Variants in NOX1 observed in about 807,000 individuals in gnomAD.
NOX1 encodes NADPH oxidase 1, also known as NADH/NADPH mitogenic oxidase subunit P65-MOX.
Under a neutral mutation model 42.5 loss-of-function variants are expected in NOX1, and 34 were observed. The ratio of observed to expected loss-of-function variants is 0.80; its 90% CI spans 0.61 to 1.07. The LOEUF is 1.07. NOX1 is among the 50% of genes least tolerant of loss of function. NOX1 has a pLI of 0.00. For missense variants in NOX1, 408 were observed against 427.0 expected (o/e 0.96, Z 0.39); for synonymous variants, 143 against 152.5 (o/e 0.94, Z 0.46).
intron 7 of NOX1, chrX:100,855,196 A>G (rs1446665778): frequency 4.1e-5 from 19 of 463,287 alleles, no homozygotes; most frequent in Non-Finnish European, 7.0e-5. Context: ...CCCTGCCACC[A>G]CTGTGTTTGG....
At chrX:100,866,608 GCAAA>G (rs2085239858) in intron 2 of NOX1, among the ~76,000 whole-genome samples, 1 of 109,907 alleles carries the variant, frequency 9.1e-6, no homozygotes, top group Non-Finnish European at 1.9e-5. Flanking sequence ...TGCGGTTTTT[GCAAA>G]CAGTTTTAAT....
chrX:100,870,742 A>G lies in NOX1; in HGVS notation c.118T>C (p.Tyr40His), dbSNP rs753546509. The change falls in exon 2 of 13, where the codon TAC becomes CAC. Residue 40 changes from tyrosine to histidine, a missense_variant. Transcript: ENST00000372966. ...FLKYEKADKYYYTRKILGSTL... is the reference protein window; with the variant it reads ...FLKYEKADKYHYTRKILGSTL... ...ACCCCAAGGATTTTTCTTGTGTAGT[A>G]GTATTTGTCGGCCTTCTCATATTTC... 1.9e-5 allele frequency: 22 copies of G among 1,182,105 alleles called. No individual in the cohort carries two copies. The highest frequency in any genetic ancestry group is 2.5e-5 in the Non-Finnish European group (22 of 871,004).
intron 1 of NOX1, among the ~76,000 whole-genome samples, chrX:100,872,088 C>G (rs1159226088): frequency 8.9e-6 from 1 of 111,950 alleles, no homozygotes; most frequent in Non-Finnish European, 1.9e-5. Flanking sequence ...AGTAAGAGAT[C>G]AATAAGTGCT....
At chrX:100,872,946 T>C (rs142446887) in intron 1 of NOX1, among the ~76,000 whole-genome samples, 2,455 of 105,596 alleles carry the variant, frequency 0.023, 78 homozygotes, top group African/African-American at 0.079. Flanking sequence ...AAATATGTCA[T>C]GGGATAACCT....
chrX:100,867,840 GAA>G (rs1401085940), intron 2 of NOX1, among the ~76,000 whole-genome samples: 5 of 107,409 alleles, frequency 4.7e-5, no homozygotes, highest in Non-Finnish European at 9.6e-5. Flanking sequence ...AGGAAGGAAA[GAA>G]AGAGAGAGAG....
chrX:100,869,433 G>T (rs1217644639), intron 2 of NOX1, among the ~76,000 whole-genome samples: 1 of 106,443 alleles, frequency 9.4e-6, no homozygotes, highest in Non-Finnish European at 1.9e-5. Context: ...ATTGTGAATG[G>T]GAGTTCACTC....
At chrX:100,857,871 G>T (rs1448196335) in intron 7 of NOX1, among the ~76,000 whole-genome samples, 1 of 111,419 alleles carries the variant, frequency 9.0e-6, no homozygotes, top group Non-Finnish European at 1.9e-5. Context: ...TAGGTTGTTT[G>T]TTTACTCTCT....
chrX:100,869,119 G>C (rs2085256914), intron 2 of NOX1, among the ~76,000 whole-genome samples: 1 of 111,142 alleles, frequency 9.0e-6, no homozygotes. Flanking sequence ...TGTTCTTTTG[G>C]CTTAGGATTG....
chrX:100,849,024 C>T (rs2085094415), intron 11 of NOX1, among the ~76,000 whole-genome samples: 3 of 110,101 alleles, frequency 2.7e-5, no homozygotes, highest in Admixed American at 9.6e-5. Flanking sequence ...TGTGGTGAGC[C>T]AAGATCGCAC....
intron 7 of NOX1, among the ~76,000 whole-genome samples, chrX:100,861,462 A>G (rs2085202912): frequency 9.0e-6 from 1 of 111,382 alleles, no homozygotes; most frequent in Admixed American, 9.6e-5. Context: ...TTACTCCTCA[A>G]TATAACCTAT....
Position 100,844,057 on chromosome X carries a change from TAAG to T in NOX1, c.1587_1589del (p.Phe529del), listed in dbSNP as rs781145992. On this transcript the variant is annotated inframe_deletion, in exon 13 of 13. Transcript: ENST00000372966. ...TCTTTGCCAAAGTCCGAGGGCCACA[TAAG>T]AAAACTCCCACTACAGACCTGTAGG... 11 of 1,196,976 alleles carry T rather than the reference TAAG, an allele frequency of 9.2e-6. No individual in the cohort carries two copies. Among genetic ancestry groups the T allele is most frequent in the Middle Eastern group, 4.6e-4 (2 of 4,334 alleles).
chrX:100,853,327 TC>T (rs2085139111), intron 7 of NOX1, among the ~76,000 whole-genome samples: 1 of 19,809 alleles, frequency 5.0e-5, no homozygotes, highest in Non-Finnish European at 8.6e-5. Context: ...TCTTTCTCTC[TC>T]TTTCTCTTTC....
In NOX1 at chrX:100,863,173, A is replaced by T; in HGVS notation, c.323T>A (p.Ile108Asn). The change falls in exon 4 of 13, where the codon ATC becomes AAC. Residue 108 changes from isoleucine to asparagine, a missense_variant. Transcript: ENST00000372966. ...LTFHKLVAYM[I>N]CLHTAIHIIA... is the part of the protein sequence containing the mutation. ...GCCTGAGTTACCTGTATGTAGGCAG[A>T]TCATATAGGCCACCAGCTTGTGGAA... 8.3e-7 allele frequency: 1 copy of T among 1,203,245 alleles called. No individual in the cohort carries two copies.
At chrX:100,870,395 G>A (rs1245642170) in intron 2 of NOX1, among the ~76,000 whole-genome samples, 3 of 111,356 alleles carry the variant, frequency 2.7e-5, no homozygotes, top group African/African-American at 9.8e-5. Flanking sequence ...TTTATTGCAT[G>A]TTTCCTTTAT....
At chrX:100,866,337 T>C (rs753900185) in intron 2 of NOX1, among the ~76,000 whole-genome samples, 12 of 111,731 alleles carry the variant, frequency 1.1e-4, no homozygotes, top group Non-Finnish European at 1.7e-4. Context: ...TGTCTTATTA[T>C]ATGTGTTTAC....
At chrX:100,847,874 G>A (rs954940616) in intron 12 of NOX1, among the ~76,000 whole-genome samples, 3 of 110,154 alleles carry the variant, frequency 2.7e-5, no homozygotes, top group East Asian at 5.7e-4. Context: ...CCATTGGAAT[G>A]GCTGATTTCA....
At chrX:100,858,403 C>T (rs2085181497) in intron 7 of NOX1, among the ~76,000 whole-genome samples, 1 of 111,175 alleles carries the variant, frequency 9.0e-6, no homozygotes, top group South Asian at 3.8e-4. Context: ...ATTGCCTTGG[C>T]TATTTGGGCT....
rs756701483 is a variant in NOX1, at chrX:100,870,708, G to A, written c.141+11C>T. ...AATAGAGATTCTATCCGTGACAACC[G>A]TGATACTCACCCCAAGGATTTTTCT... is the stretch of plus-strand genomic sequence containing the variant. On this transcript the variant is annotated intron_variant, in intron 2 of 12. Coordinates refer to ENST00000372966, the MANE Select transcript of NOX1 (RefSeq NM_007052.5). 8 of 1,049,446 alleles carry A rather than the reference G, an allele frequency of 7.6e-6. No individual in the cohort carries two copies. The highest frequency in any genetic ancestry group is 3.9e-5 in the South Asian group (2 of 51,724). The allele number at this position is 1,049,446 out of a possible 1,213,427, so 86.5% of individuals were successfully genotyped here.
intron 8 of NOX1, 39 bp from the exon 9 acceptor site, chrX:100,850,425 A>G: frequency 1.1e-6 from 1 of 937,722 alleles, no homozygotes; most frequent in South Asian, 2.4e-5. Context: ...AGCAAACTCT[A>G]ATGACGACAG....
Sources: gnomAD v4.1 joint callset for allele counts (sites outside exome capture counted in the v4.1 genomes callset) on GRCh38, gnomAD v4.1.1 for gene constraint, MANE v1.5 for transcripts, NCBI Gene and HGNC (gene_info 2026-07-23, HGNC 2026-07-21) for gene names.